The following TRAPPC8 variants were observed in gnomAD, a reference collection of about 807,000 sequenced individuals.
TRAPPC8 encodes general sporulation gene 1 homolog.
A neutral mutation model predicts 174.3 loss-of-function variants in TRAPPC8; 54 were observed. That is an observed-to-expected ratio of 0.31 (90% confidence interval 0.25 to 0.39). The LOEUF (loss-of-function observed/expected upper bound fraction) is 0.39. Among genes scored for constraint, TRAPPC8 ranks in the 10% least tolerant of loss-of-function variants. The pLI is 1.00. For missense variants in TRAPPC8, 1,531 were observed against 1,699.1 expected (o/e 0.90, Z 1.74); for synonymous variants, 630 against 579.9 (o/e 1.09, Z -1.24).
At chr18:31,936,534 T>C (rs1036903639) in intron 1 of TRAPPC8, among the ~76,000 whole-genome samples, 68 of 152,122 alleles carry the variant, frequency 4.5e-4, no homozygotes, top group African/African-American at 1.6e-3. Context: ...AGTTTGGTAC[T>C]TCCACACCTT....
At chr18:31,933,971 T>C (rs1488609074) in intron 1 of TRAPPC8, among the ~76,000 whole-genome samples, 1 of 151,950 alleles carries the variant, frequency 6.6e-6, no homozygotes, top group African/African-American at 2.4e-5. Context: ...GCGGAACACT[T>C]GAGGTCAGGA....
Position 31,830,487 on chromosome 18 carries a change from A to T in TRAPPC8, c.*268T>A. On this transcript the variant is annotated 3_prime_UTR_variant, in exon 29 of 29. Transcript: ENST00000283351. ...GACTTAGACTTTGTGTTTTCTTAAG[A>T]TGGGGCTTAATAAGGTGCACAAATA... 3 of 372,022 alleles carry T rather than the reference A, an allele frequency of 8.1e-6. No homozygotes were observed. The highest frequency in any genetic ancestry group is 1.5e-5 in the Non-Finnish European group (3 of 206,104). The allele number at this position is 372,022 out of a possible 1,614,324, so 23.0% of individuals were successfully genotyped here.
intron 11 of TRAPPC8, 31 bp downstream of exon 11, chr18:31,897,755 A>G: frequency 7.0e-7 from 1 of 1,430,120 alleles, no homozygotes; most frequent in South Asian, 1.5e-5. Context: ...GAACAATGCT[A>G]ATTAAAGCAA....
At chr18:31,898,437 C>T (rs901035461) in intron 10 of TRAPPC8, among the ~76,000 whole-genome samples, 3 of 152,156 alleles carry the variant, frequency 2.0e-5, no homozygotes, top group Non-Finnish European at 4.4e-5. Context: ...GAATACAATG[C>T]AAAGTCATAT....
Position 31,942,502 on chromosome 18 carries a change from G to A in TRAPPC8, c.157+106C>T. 8 of 1,357,270 alleles carry A rather than the reference G, an allele frequency of 5.9e-6. No individual in the cohort carries two copies. In the South Asian group the frequency reaches 6.8e-5, roughly 11 times the overall value. 84.1% of individuals were successfully genotyped at this position (1,357,270 alleles called of 1,614,324 possible). A position where few individuals can be genotyped will look rare whatever the true frequency, so the allele number is the denominator to read the frequency against. ...CACAGCCCCAGACGCCACGGTACCGGCTCCAGGACGTAAACACTGCCCTTC... is the reference window on the plus strand; with the variant it reads ...CACAGCCCCAGACGCCACGGTACCGACTCCAGGACGTAAACACTGCCCTTC... On this transcript the variant is annotated intron_variant, in intron 1 of 28. Coordinates refer to ENST00000283351, the MANE Select transcript of TRAPPC8 (RefSeq NM_014939.5).
chr18:31,909,335 ATT>A (rs750548925), intron 6 of TRAPPC8, among the ~76,000 whole-genome samples: 4 of 152,078 alleles, frequency 2.6e-5, no homozygotes, highest in Non-Finnish European at 4.4e-5. Flanking sequence ...AACAAAAAAA[ATT>A]TGTTATCATT....
chr18:31,893,020 A>G, intron 11 of TRAPPC8, among the ~76,000 whole-genome samples: 1 of 140,440 alleles, frequency 7.1e-6, no homozygotes, highest in East Asian at 2.5e-4. Context: ...TTGTCTCAAA[A>G]AAAGGGAAAA....
chr18:31,910,941 C>T, intron 5 of TRAPPC8, among the ~76,000 whole-genome samples: 1 of 152,098 alleles, frequency 6.6e-6, no homozygotes, highest in African/African-American at 2.4e-5. Context: ...AAATAAAGTT[C>T]CTTCACATCC....
chr18:31,934,895 T>C (rs1708031712), intron 1 of TRAPPC8, among the ~76,000 whole-genome samples: 1 of 148,870 alleles, frequency 6.7e-6, no homozygotes. Context: ...CAATGAGAGC[T>C]GAGATCACAC....
At chr18:31,892,139 T>C (rs966453608) in intron 11 of TRAPPC8, among the ~76,000 whole-genome samples, 1 of 152,212 alleles carries the variant, frequency 6.6e-6, no homozygotes, top group African/African-American at 2.4e-5. Flanking sequence ...CAAACTAATT[T>C]TTTTAAAAAG....
At chr18:31,853,809 A>G (rs767257255) in intron 22 of TRAPPC8, 40 bp downstream of exon 22, 2 of 1,472,074 alleles carry the variant, frequency 1.4e-6, no homozygotes, top group East Asian at 2.3e-5. Flanking sequence ...CAAGTAATGA[A>G]GTTTCAAAAT....
intron 1 of TRAPPC8, among the ~76,000 whole-genome samples, chr18:31,933,117 C>T (rs1187345677): frequency 5.3e-5 from 8 of 151,238 alleles, no homozygotes; most frequent in East Asian, 1.9e-4. Flanking sequence ...CTGGCTAACA[C>T]GGTGAAACCC....
At chr18:31,865,937 A>C (rs1568062659) in intron 18 of TRAPPC8, among the ~76,000 whole-genome samples, 1 of 151,878 alleles carries the variant, frequency 6.6e-6, no homozygotes, top group Non-Finnish European at 1.5e-5. Context: ...TCTTTAGTAA[A>C]ATGTTTTTAG....
Position 31,929,928 on chromosome 18 carries a change from T to C in TRAPPC8, c.352+1401A>G, listed in dbSNP as rs183876320. 2.6e-5 allele frequency among the ~76,000 whole-genome samples: 4 copies of C among 152,278 alleles called. No homozygotes were observed. The East Asian group carries it at 5.8e-4, about 22-fold the overall frequency. On this transcript the variant is annotated intron_variant, in intron 2 of 28. Coordinates refer to ENST00000283351, the MANE Select transcript of TRAPPC8 (RefSeq NM_014939.5). ...TTTTTTTGACTGGTAAAGATAACCA[T>C]AATATTCTCAACTTAAAATTATCAA... is the stretch of plus-strand genomic sequence containing the variant.
chr18:31,901,114 T>A, intron 9 of TRAPPC8, 89 bp from the exon 10 acceptor site: 1 of 1,177,876 alleles, frequency 8.5e-7, no homozygotes, highest in Non-Finnish European at 1.2e-6. Context: ...TGAAATTTGC[T>A]GTTTTTTTTT....
chr18:31,854,859 G>A (rs1233893495), intron 21 of TRAPPC8, among the ~76,000 whole-genome samples: 2 of 151,100 alleles, frequency 1.3e-5, no homozygotes, highest in Non-Finnish European at 2.9e-5. Context: ...CCAGCTACTA[G>A]GGAGGCTGAG....
At position 31,866,928 on chromosome 18, in the gene TRAPPC8, C is replaced by A; in HGVS notation, c.2511G>T (p.Leu837=). The change falls in exon 18 of 29, where the codon CTG becomes CTT. Residue 837 remains leucine (L), a synonymous_variant. Coordinates refer to ENST00000283351, the MANE Select transcript of TRAPPC8 (RefSeq NM_014939.5). ...TAGTGCCAAGATTATAAACAACTCCCAGAATATGCAGCTCCCCTATGTGAT... is the reference window on the plus strand; with the variant it reads ...TAGTGCCAAGATTATAAACAACTCCAAGAATATGCAGCTCCCCTATGTGAT... ...FPHHIGELHI[L]GVVYNLGTIQ... The A allele has an allele frequency of 6.2e-7, 1 of 1,613,718 alleles. No homozygotes were observed. Among genetic ancestry groups the A allele is most frequent in the Non-Finnish European group, 8.5e-7 (1 of 1,179,782 alleles).
Position 31,890,886 on chromosome 18 carries a change from G to C in TRAPPC8, c.1597-20C>G. ...AGAATCCTAGTGAATGTTTAAAAGAGAAAAAGGTTAGTTTCACCAAGTTAA... is the reference window on the plus strand; with the variant it reads ...AGAATCCTAGTGAATGTTTAAAAGACAAAAAGGTTAGTTTCACCAAGTTAA... On this transcript the variant is annotated intron_variant, in intron 11 of 28. Transcript: ENST00000283351. 6.3e-7 allele frequency: 1 copy of C among 1,576,440 alleles called. No homozygotes were observed. The highest frequency in any genetic ancestry group is 8.6e-7 in the Non-Finnish European group (1 of 1,163,678).
At chr18:31,848,946 T>C in intron 25 of TRAPPC8, among the ~76,000 whole-genome samples, 1 of 151,452 alleles carries the variant, frequency 6.6e-6, no homozygotes, top group East Asian at 1.9e-4. Flanking sequence ...TTGGATCTGA[T>C]TTTTTTTTAA....
Sources: allele counts gnomAD v4.1 joint callset (sites outside exome capture counted in the v4.1 genomes callset), GRCh38; gene constraint gnomAD v4.1.1; transcripts MANE v1.5; gene names NCBI Gene and HGNC (gene_info 2026-07-23, HGNC 2026-07-21).